The following PRTG variants were observed in gnomAD, a reference collection of about 807,000 sequenced individuals.
PRTG encodes the protein immunoglobulin superfamily, DCC subclass, member 5.
Under a neutral mutation model 122.5 loss-of-function variants are expected in PRTG, and 67 were observed. That is an observed-to-expected ratio of 0.55 (90% CI 0.45 to 0.67). The LOEUF is 0.67. PRTG is among the 30% of genes least tolerant of loss of function. The probability of loss-of-function intolerance (pLI) is 0.00; values close to 1 mark genes in which losing one functional copy is unlikely to be tolerated. For missense variants in PRTG, 1,435 were observed against 1,415.4 expected (o/e 1.01, Z -0.22); for synonymous variants, 554 against 501.1 (o/e 1.11, Z -1.41).
chr15:55,662,244 A>G (rs1408787151), intron 11 of PRTG, among the ~76,000 whole-genome samples: 2 of 152,188 alleles, frequency 1.3e-5, no homozygotes, highest in Non-Finnish European at 2.9e-5. Context: ...ACTCTGATAC[A>G]CTGCTATACA....
chr15:55,659,789 C>G (rs1158354704), intron 11 of PRTG, among the ~76,000 whole-genome samples: 1 of 151,914 alleles, frequency 6.6e-6, no homozygotes, highest in Non-Finnish European at 1.5e-5. Context: ...CGTAGTGGTG[C>G]ACGCCTGAAG....
intron 9 of PRTG, among the ~76,000 whole-genome samples, chr15:55,674,611 CT>C (rs978528343): frequency 2.6e-4 from 39 of 152,168 alleles, no homozygotes; most frequent in African/African-American, 8.4e-4. Context: ...ATAAGTGAAC[CT>C]TTTTTCATTT....
rs530220463 is a variant in PRTG, at chr15:55,630,918, T to C, written c.2624-1914A>G. 5.3e-5 allele frequency among the ~76,000 whole-genome samples: 8 copies of C among 152,312 alleles called. No individual in the cohort carries two copies. In the South Asian group the frequency reaches 1.7e-3, roughly 32 times the overall value. On this transcript the variant is annotated intron_variant, in intron 15 of 19. Coordinates refer to ENST00000389286, the MANE Select transcript of PRTG (RefSeq NM_173814.6). ...AAGAGTTTACAATAGTTTGTGACAG[T>C]TGCCTCCTGGCCAAAGGTACCTACT...
intron 1 of PRTG, chr15:55,742,320 T>C (rs2031634339): frequency 6.6e-6 from 1 of 152,586 alleles, no homozygotes; most frequent in Admixed American, 6.5e-5. Flanking sequence ...GTTCACCTAT[T>C]CCCTCTCGCA....
Position 55,740,681 on chromosome 15 carries a change from A to G in PRTG, c.98T>C (p.Val33Ala). The change falls in exon 2 of 20, where the codon GTG becomes GCG. Residue 33 changes from valine (V) to alanine (A), a missense_variant. Val to Ala is a moderately conservative substitution (Grantham distance 64). Transcript: ENST00000389286. ...AAAAGACAGTTCGCTAAAGCACCAC[A>G]CTCCTATAAGGAAAAAAAAGGAGAA... ...LLLLLSPLPG[V>A]WCFSELSFVK... 6.2e-7 allele frequency: 1 copy of G among 1,608,120 alleles called. No individual in the cohort carries two copies. The highest frequency in any genetic ancestry group is 8.5e-7 in the Non-Finnish European group (1 of 1,178,010).
chr15:55,627,377 G>A (rs2059201070), intron 16 of PRTG, among the ~76,000 whole-genome samples: 1 of 145,394 alleles, frequency 6.9e-6, no homozygotes, highest in Admixed American at 7.0e-5. Flanking sequence ...CCAGGCTAGT[G>A]CAGTGGCGCA....
rs2059156644 is a variant in PRTG at position 55,619,895 on chromosome 15, A to G, written c.*117T>C. Reference sequence around the variant, plus strand: ...AAAATCATTTTTATCAAAGCATAGCATGGCAGATGGCGGCTGCAGAACTAA... The same window carrying G: ...AAAATCATTTTTATCAAAGCATAGCGTGGCAGATGGCGGCTGCAGAACTAA... On this transcript the variant is annotated 3_prime_UTR_variant, in exon 20 of 20. Coordinates refer to ENST00000389286, the MANE Select transcript of PRTG (RefSeq NM_173814.6). The G allele has an allele frequency of 4.6e-6, 7 of 1,508,808 alleles. No individual in the cohort carries two copies. The highest frequency in any genetic ancestry group is 6.2e-6 in the Non-Finnish European group (7 of 1,120,816). 93.5% of individuals were successfully genotyped at this position (1,508,808 alleles called of 1,614,324 possible). A position where few individuals can be genotyped will look rare whatever the true frequency, so the allele number is the denominator to read the frequency against.
chr15:55,627,481 C>T (rs1457115466), intron 16 of PRTG, among the ~76,000 whole-genome samples: 4 of 148,386 alleles, frequency 2.7e-5, no homozygotes, highest in South Asian at 2.2e-4. Flanking sequence ...CCACCACCAA[C>T]GCCCAGCTAA....
intron 16 of PRTG, among the ~76,000 whole-genome samples, chr15:55,627,492 G>GTTTTTTTTTTTTTT (rs35022592): frequency 9.5e-6 from 1 of 104,774 alleles, no homozygotes. Context: ...GCCCAGCTAA[G>GTTTTTTTTTTTTTT]TTTTTTTTTT....
chr15:55,669,402 G>A (rs1214093555), intron 11 of PRTG, among the ~76,000 whole-genome samples: 1 of 152,114 alleles, frequency 6.6e-6, no homozygotes, highest in Non-Finnish European at 1.5e-5. Context: ...TTAACCTACT[G>A]CCCTCCAGAC....
chr15:55,700,177 T>A (rs1210600609), intron 2 of PRTG, among the ~76,000 whole-genome samples: 1 of 152,190 alleles, frequency 6.6e-6, no homozygotes, highest in Non-Finnish European at 1.5e-5. Flanking sequence ...CTGATTTTTA[T>A]AAAATTGCAA....
chr15:55,626,231 C>T (rs1423542409), intron 17 of PRTG, among the ~76,000 whole-genome samples: 2 of 151,988 alleles, frequency 1.3e-5, no homozygotes, highest in Non-Finnish European at 2.9e-5. Context: ...GCCTGGCCAA[C>T]ATGGTGAAAT....
chr15:55,629,363 A>G (rs1429331335), intron 15 of PRTG, among the ~76,000 whole-genome samples: 3 of 34,564 alleles, frequency 8.7e-5, no homozygotes, highest in East Asian at 0.015. Flanking sequence ...GGCTTTGTAT[A>G]TATATATATA....
At chr15:55,663,145 G>A (rs1483272233) in intron 11 of PRTG, among the ~76,000 whole-genome samples, 1 of 151,966 alleles carries the variant, frequency 6.6e-6, no homozygotes, top group Non-Finnish European at 1.5e-5. Context: ...AACAGTTATC[G>A]AGCACTTACT....
intron 7 of PRTG, among the ~76,000 whole-genome samples, chr15:55,679,038 G>A (rs185230119): frequency 6.6e-6 from 1 of 152,224 alleles, no homozygotes; most frequent in Non-Finnish European, 1.5e-5. Flanking sequence ...GGAGTTTGGG[G>A]AACTGTGTAA....
chr15:55,716,991 T>C (rs1408481440), intron 2 of PRTG, among the ~76,000 whole-genome samples: 1 of 152,198 alleles, frequency 6.6e-6, no homozygotes, highest in African/African-American at 2.4e-5. Context: ...GGAGTAGCTA[T>C]GGTAGAAGCA....
At chr15:55,732,665 T>C (rs1179032771) in intron 2 of PRTG, among the ~76,000 whole-genome samples, 1 of 152,012 alleles carries the variant, frequency 6.6e-6, no homozygotes, top group Admixed American at 6.6e-5. Flanking sequence ...CGGCTAGTTT[T>C]GTATTTTCAG....
At chr15:55,632,757 C>T (rs2059234881) in intron 15 of PRTG, among the ~76,000 whole-genome samples, 1 of 152,146 alleles carries the variant, frequency 6.6e-6, no homozygotes, top group African/African-American at 2.4e-5. Flanking sequence ...TTGTAACTGT[C>T]TTTATAGCAT....
At chr15:55,644,258 T>C (rs1015664925) in intron 11 of PRTG, among the ~76,000 whole-genome samples, 4 of 152,208 alleles carry the variant, frequency 2.6e-5, no homozygotes, top group Non-Finnish European at 4.4e-5. Flanking sequence ...ATAGGACAGA[T>C]GTGTCCTCAA....
Sources: gnomAD v4.1 joint callset for allele counts (sites outside exome capture counted in the v4.1 genomes callset) on GRCh38, gnomAD v4.1.1 for gene constraint, MANE v1.5 for transcripts, NCBI Gene and HGNC (gene_info 2026-07-23, HGNC 2026-07-21) for gene names.